The following MOXD1 variants were observed in gnomAD, a reference collection of about 807,000 sequenced individuals.
MOXD1 encodes the protein DBH-like monooxygenase protein 1.
In MOXD1, 62 loss-of-function variants were observed where a neutral mutation model predicts 66.6. The observed-to-expected ratio is 0.93, with a 90% CI of 0.76 to 1.15. The LOEUF (loss-of-function observed/expected upper bound fraction) is 1.15. Among genes scored for constraint, MOXD1 ranks in the 50% most tolerant of loss-of-function variants. The pLI is 0.00. For missense variants in MOXD1, 847 were observed against 754.6 expected (o/e 1.12, Z -1.44); for synonymous variants, 303 against 281.9 (o/e 1.07, Z -0.75).
intron 4 of MOXD1, among the ~76,000 whole-genome samples, chr6:132,330,306 T>G (rs893911147): frequency 6.6e-6 from 1 of 152,188 alleles, no homozygotes; most frequent in African/African-American, 2.4e-5. Context: ...ATCCACCTCC[T>G]GTCAGATCAG....
chr6:132,328,671 G>A, intron 4 of MOXD1, 77 bp from the exon 5 acceptor site: 1 of 1,332,752 alleles, frequency 7.5e-7, no homozygotes. Flanking sequence ...CGTGAAACTA[G>A]CATAAATTAC....
Position 132,315,642 on chromosome 6 carries a change from G to A in MOXD1, c.1501C>T (p.Pro501Ser), listed in dbSNP as rs770639429. Residue 501 changes from proline to serine, a missense_variant, in exon 10 of 12, where the codon CCA becomes TCA. Transcript: ENST00000367963. ...QFIGVKEIYR[P>S]VTTWPFIIKS... ...AATACATTTACTACTTACGTGACTG[G>A]TCTGTAGATCTCCTTAACCCCAATG... The A allele has an allele frequency of 1.2e-6, 2 of 1,610,786 alleles. No individual in the cohort carries two copies. The highest frequency in any genetic ancestry group is 1.1e-5 in the South Asian group (1 of 90,406).
chr6:132,327,096 C>G (rs1301701412), intron 6 of MOXD1, among the ~76,000 whole-genome samples: 1 of 152,158 alleles, frequency 6.6e-6, no homozygotes, highest in African/African-American at 2.4e-5. Context: ...TGCACCCTAA[C>G]CCTTCAGCAT....
In MOXD1 at chr6:132,324,042, A is replaced by ATATT. The variant is rs1562282229; in HGVS notation, c.998_1001dup (p.Tyr334Ter). The ATATT allele has an allele frequency of 6.2e-7, 1 of 1,613,930 alleles. No homozygotes were observed. Among genetic ancestry groups the ATATT allele is most frequent in the Non-Finnish European group, 8.5e-7 (1 of 1,179,882 alleles). Reference sequence around the variant, plus strand: ...GGCCAGCCTCAATCACCCCAGCATCATATTTCCTTATATCCATTGTGTAAA... The same window carrying ATATT: ...GGCCAGCCTCAATCACCCCAGCATCATATTTATTTCCTTATATCCATTGTGTAAA... On this transcript the variant is annotated stop_gained and frameshift_variant, in exon 7 of 12. Transcript: ENST00000367963. LOFTEE classifies it high-confidence loss of function.
intron 10 of MOXD1, among the ~76,000 whole-genome samples, chr6:132,309,250 T>C (rs1212715945): frequency 6.6e-6 from 1 of 152,144 alleles, no homozygotes; most frequent in East Asian, 1.9e-4. Context: ...AGCCAAATCA[T>C]GAATGAACTT....
intron 9 of MOXD1, among the ~76,000 whole-genome samples, chr6:132,318,947 C>G (rs1775015149): frequency 6.6e-6 from 1 of 152,114 alleles, no homozygotes; most frequent in African/African-American, 2.4e-5. Flanking sequence ...AATGCTATGT[C>G]TATCATAAAC....
intron 1 of MOXD1, among the ~76,000 whole-genome samples, chr6:132,383,150 C>T (rs1274569878): frequency 6.6e-6 from 1 of 152,106 alleles, no homozygotes; most frequent in Non-Finnish European, 1.5e-5. Flanking sequence ...TTACTTCAAA[C>T]ATTTGTTTAT....
chr6:132,384,279 T>G (rs1776577494), intron 1 of MOXD1, among the ~76,000 whole-genome samples: 1 of 84,474 alleles, frequency 1.2e-5, no homozygotes, highest in Non-Finnish European at 2.3e-5. Context: ...CCTTCCTTCC[T>G]TCCTTCCTTC....
At chr6:132,333,378 G>GT (rs58337430) in intron 4 of MOXD1, among the ~76,000 whole-genome samples, 2 of 148,418 alleles carry the variant, frequency 1.3e-5, no homozygotes, top group African/African-American at 5.0e-5. Context: ...TAATGTATCA[G>GT]AGTAGCATTT....
intron 4 of MOXD1, among the ~76,000 whole-genome samples, chr6:132,338,582 C>A (rs1482311506): frequency 2.0e-5 from 3 of 152,180 alleles, no homozygotes; most frequent in Non-Finnish European, 4.4e-5. Context: ...TTACTCTCCC[C>A]ACCAGCCAAC....
chr6:132,391,907 G>A, intron 1 of MOXD1: 1 of 262,000 alleles, frequency 3.8e-6, no homozygotes, highest in East Asian at 8.0e-5. Flanking sequence ...GCATCATCCT[G>A]TGTTCCAGCA....
chr6:132,369,147 T>G (rs1776210931), intron 4 of MOXD1, among the ~76,000 whole-genome samples: 1 of 152,068 alleles, frequency 6.6e-6, no homozygotes, highest in South Asian at 2.1e-4. Context: ...CTGATCAGAA[T>G]CTATATTCCT....
At chr6:132,318,464 T>C (rs1562280495) in intron 9 of MOXD1, among the ~76,000 whole-genome samples, 1 of 152,078 alleles carries the variant, frequency 6.6e-6, no homozygotes, top group Non-Finnish European at 1.5e-5. Flanking sequence ...ATAGTATCTA[T>C]TATATGGGTT....
chr6:132,305,908 G>C (rs969355873), intron 10 of MOXD1, among the ~76,000 whole-genome samples: 41 of 152,224 alleles, frequency 2.7e-4, no homozygotes, highest in African/African-American at 8.7e-4. Context: ...AGATGAGAAA[G>C]AATCAATAAA....
chr6:132,307,632 C>T (rs113455013), intron 10 of MOXD1, among the ~76,000 whole-genome samples: 8 of 152,252 alleles, frequency 5.3e-5, no homozygotes, highest in South Asian at 2.1e-4. Flanking sequence ...AAACACTTCT[C>T]GGCAAATGCA....
At chr6:132,314,866 A>T (rs546590953) in intron 10 of MOXD1, among the ~76,000 whole-genome samples, 25 of 152,296 alleles carry the variant, frequency 1.6e-4, no homozygotes, top group Non-Finnish European at 2.8e-4. Context: ...GAAAATATGA[A>T]TCTTGTTTAT....
intron 7 of MOXD1, 60 bp downstream of exon 7, chr6:132,323,871 A>G: frequency 6.8e-7 from 1 of 1,462,946 alleles, no homozygotes; most frequent in Non-Finnish European, 9.1e-7. Flanking sequence ...TTTTCACACC[A>G]CAGTTTCTAA....
At chr6:132,323,261 G>A (rs996369162) in intron 7 of MOXD1, among the ~76,000 whole-genome samples, 1 of 152,164 alleles carries the variant, frequency 6.6e-6, no homozygotes. Flanking sequence ...GTGGGTCAAT[G>A]GAATTAAATG....
intron 4 of MOXD1, among the ~76,000 whole-genome samples, chr6:132,359,010 G>T (rs1775959930): frequency 6.6e-6 from 1 of 152,138 alleles, no homozygotes; most frequent in Non-Finnish European, 1.5e-5. Flanking sequence ...CGATGGAAAT[G>T]GACATGGCTC....
Sources: gnomAD v4.1 joint callset for allele counts (sites outside exome capture counted in the v4.1 genomes callset) on GRCh38, gnomAD v4.1.1 for gene constraint, MANE v1.5 for transcripts, NCBI Gene and HGNC (gene_info 2026-07-23, HGNC 2026-07-21) for gene names.